The following MAP3K13 variants were observed in gnomAD, a reference collection of about 807,000 sequenced individuals.
MAP3K13 encodes leucine zipper-bearing kinase.
Under a neutral mutation model 104.0 loss-of-function variants are expected in MAP3K13, and 52 were observed. The ratio of observed to expected loss-of-function variants is 0.50; its 90% CI spans 0.40 to 0.63. The LOEUF (loss-of-function observed/expected upper bound fraction) is 0.63. Among genes scored for constraint, MAP3K13 ranks in the 20% least tolerant of loss-of-function variants. The probability of loss-of-function intolerance (pLI) is 0.00; values close to 1 mark genes in which losing one functional copy is unlikely to be tolerated. For missense variants in MAP3K13, 914 were observed against 1,218.5 expected (o/e 0.75, Z 3.72); for synonymous variants, 394 against 442.2 (o/e 0.89, Z 1.37).
At chr3:185,458,230 G>A (rs1716879215) in intron 7 of MAP3K13, among the ~76,000 whole-genome samples, 1 of 151,916 alleles carries the variant, frequency 6.6e-6, no homozygotes, top group Non-Finnish European at 1.5e-5. Context: ...TTAGCTGGGT[G>A]TGGTGTAATC....
rs116513206 is a variant in MAP3K13 at position 185,400,086 on chromosome 3, C to A, written c.-85-28411C>A. Among the ~76,000 whole-genome samples the A allele has an allele frequency of 4.8e-3, 732 of 152,284 alleles. 5 individuals carry two copies. The highest frequency in any genetic ancestry group is 0.024 in the Middle Eastern group (7 of 294). On this transcript the variant is annotated intron_variant, in intron 1 of 13. Transcript: ENST00000265026. ...TCATCTTTCAAATCGAATCATGTCA[C>A]CTCCCTTCACCTCTCCATAGTTCTC...
intron 2 of MAP3K13, among the ~76,000 whole-genome samples, chr3:185,345,140 G>A (rs1722870268): frequency 6.6e-6 from 1 of 152,150 alleles, no homozygotes; most frequent in Non-Finnish European, 1.5e-5. Context: ...GGGATTATAG[G>A]CATGAGCCAC....
chr3:185,445,633 A>ATT (rs957104981), intron 4 of MAP3K13, among the ~76,000 whole-genome samples: 9 of 152,304 alleles, frequency 5.9e-5, no homozygotes, highest in African/African-American at 2.2e-4. Flanking sequence ...CTTTCCCTCT[A>ATT]TTAGCAATAA....
intron 2 of MAP3K13, among the ~76,000 whole-genome samples, chr3:185,321,898 C>G (rs1721883157): frequency 6.6e-6 from 1 of 152,194 alleles, no homozygotes; most frequent in South Asian, 2.1e-4. Context: ...GCCACCACGC[C>G]CGGCCGTGAC....
chr3:185,441,001 T>A (rs904886203), intron 3 of MAP3K13, among the ~76,000 whole-genome samples: 5 of 152,226 alleles, frequency 3.3e-5, no homozygotes, highest in Non-Finnish European at 7.3e-5. Context: ...GAATTCCCAA[T>A]GTGCTTGTCT....
At chr3:185,434,539 A>G (rs1185256351) in intron 2 of MAP3K13, among the ~76,000 whole-genome samples, 1 of 152,218 alleles carries the variant, frequency 6.6e-6, no homozygotes, top group Non-Finnish European at 1.5e-5. Flanking sequence ...TATGCAGAAC[A>G]GGTAAGAGGG....
intron 2 of MAP3K13, among the ~76,000 whole-genome samples, chr3:185,356,914 G>A (rs1323265888): frequency 6.7e-6 from 1 of 149,698 alleles, no homozygotes; most frequent in Non-Finnish European, 1.5e-5. Flanking sequence ...ATGTATTTAT[G>A]TATTGAGACG....
chr3:185,286,109 T>C (rs1384434001), intron 2 of MAP3K13, among the ~76,000 whole-genome samples: 1 of 152,164 alleles, frequency 6.6e-6, no homozygotes, highest in African/African-American at 2.4e-5. Context: ...TTCGTTTCTT[T>C]ATTCTGCCTT....
chr3:185,346,589 T>C (rs1459665807), intron 2 of MAP3K13, among the ~76,000 whole-genome samples: 1 of 152,020 alleles, frequency 6.6e-6, no homozygotes, highest in African/African-American at 2.4e-5. Context: ...CCAGTTATTT[T>C]TGTTTTAAAT....
In MAP3K13 at chr3:185,473,751, C is replaced by T. The variant is rs771860470; in HGVS notation, c.2420C>T (p.Pro807Leu). 7 of 1,612,852 alleles carry T rather than the reference C, an allele frequency of 4.3e-6. No homozygotes were observed. The highest frequency in any genetic ancestry group is 5.9e-6 in the Non-Finnish European group (7 of 1,179,598). Residue 807 changes from proline to leucine, a missense_variant, in exon 11 of 14, where the codon CCT becomes CTT. Around this residue, in one of 3 missense-constraint regions of MAP3K13, gnomAD observed 583 missense variants for 737.4 expected, o/e 0.79. Transcript: ENST00000265026. The surrounding 1 kb of genome is among the most constrained non-coding windows in gnomAD (Gnocchi z 4.9). ...CCAGCGCTACCTCGAAAAACAAGGC[C>T]TCTGCAGAAGGTAAAGTGTAATGAT... is the stretch of plus-strand genomic sequence containing the variant. ...TPPALPRKTR[P>L]LQKSGDDSSE...
rs1718742579 is a variant in MAP3K13 at position 185,486,911 on chromosome 3, C to G, written c.*4455C>G. ...CCTGTTTGCAAGATGGTGGGGAGCT[C>G]CTACTGAGAAAGATGAAGATGCTAG... On this transcript the variant is annotated 3_prime_UTR_variant, in exon 14 of 14. Coordinates refer to ENST00000265026, the MANE Select transcript of MAP3K13 (RefSeq NM_004721.5). The G allele has an allele frequency of 6.6e-6, 1 of 152,168 alleles. No homozygotes were observed. The highest frequency in any genetic ancestry group is 1.5e-5 in the Non-Finnish European group (1 of 68,030). The allele number at this position is 152,168 out of a possible 1,614,324, so 9.4% of individuals were successfully genotyped here. A position where few individuals can be genotyped will look rare whatever the true frequency, so the allele number is the denominator to read the frequency against.
intron 2 of MAP3K13, among the ~76,000 whole-genome samples, chr3:185,336,604 T>C (rs923036429): frequency 6.6e-6 from 1 of 151,302 alleles, no homozygotes; most frequent in African/African-American, 2.4e-5. Context: ...ATTTTTAAAA[T>C]TGAACTACTG....
At chr3:185,418,000 A>C in intron 1 of MAP3K13, 1 of 1,611,204 alleles carries the variant, frequency 6.2e-7, no homozygotes, top group South Asian at 1.1e-5. Flanking sequence ...CAATTCATCT[A>C]ACTTCCGGAA....
At position 185,395,357 on chromosome 3, in the gene MAP3K13, C is replaced by CTTTTTTTTTTTTTTTTTT. The variant is rs770336517; in HGVS notation, c.-86+31991_-86+32008dup. On this transcript the variant is annotated intron_variant, in intron 1 of 13. Coordinates refer to ENST00000265026, the MANE Select transcript of MAP3K13 (RefSeq NM_004721.5). The stretch of plus-strand genomic sequence containing the variant: ...AGGCATTTCTAATTCAATATTATTT[C>CTTTTTTTTTTTTTTTTTT]TTTTTTTTTTTTTTTTTTTGAGACG... 1.6e-4 allele frequency among the ~76,000 whole-genome samples: 11 copies of CTTTTTTTTTTTTTTTTTT among 69,972 alleles called. 1 individual carries two copies. Among genetic ancestry groups the CTTTTTTTTTTTTTTTTTT allele is most frequent in the African/African-American group, 6.2e-4 (9 of 14,508 alleles). 45.9% of individuals were successfully genotyped at this position (69,972 alleles called of 152,430 possible).
chr3:185,474,541 G>C (rs1717998198), intron 11 of MAP3K13, among the ~76,000 whole-genome samples: 1 of 152,178 alleles, frequency 6.6e-6, no homozygotes, highest in Non-Finnish European at 1.5e-5. Context: ...CAGTAAACTT[G>C]TTTAACCGAG....
At chr3:185,443,397 T>C (rs557844192) in intron 3 of MAP3K13, 48 bp from the exon 4 acceptor site, 1 of 1,295,302 alleles carries the variant, frequency 7.7e-7, no homozygotes, top group East Asian at 2.3e-5. Context: ...TATACATATG[T>C]ATACTTGTAT....
At chr3:185,455,138 GATATATATGTGAGATATATATGAT>G (rs1433389508) in intron 7 of MAP3K13, among the ~76,000 whole-genome samples, 19 of 103,936 alleles carry the variant, frequency 1.8e-4, no homozygotes, top group African/African-American at 6.2e-4. Flanking sequence ...ATATATATAT[GATATATATGTGAGATATATATGAT>G]ATATATGAGA....
At chr3:185,397,916 G>A (rs867307056) in intron 1 of MAP3K13, among the ~76,000 whole-genome samples, 11 of 152,164 alleles carry the variant, frequency 7.2e-5, no homozygotes, top group Non-Finnish European at 1.3e-4. Context: ...TTGAAAGGTC[G>A]CCTGGTCTGC....
chr3:185,456,896 C>T (rs1001691336), intron 7 of MAP3K13, among the ~76,000 whole-genome samples: 1 of 152,156 alleles, frequency 6.6e-6, no homozygotes, highest in Admixed American at 6.5e-5. Context: ...CCACCGTGCA[C>T]AGCCAACTTT....
Sources: gnomAD v4.1 joint callset for allele counts (sites outside exome capture counted in the v4.1 genomes callset) on GRCh38, gnomAD v4.1.1 for gene constraint, gnomAD v4.1.1 regional missense constraint, Gnocchi (gnomAD v3.1) non-coding constraint, MANE v1.5 for transcripts, NCBI Gene and HGNC (gene_info 2026-07-23, HGNC 2026-07-21) for gene names.